TBC1D9B: variants seen among roughly 807,000 people sequenced by gnomAD.
TBC1D9B encodes the protein TBC1 domain family, member 9B (with GRAM domain).
Under a neutral mutation model 121.1 loss-of-function variants are expected in TBC1D9B, and 87 were observed. That is an observed-to-expected ratio of 0.72 (90% CI 0.60 to 0.86). TBC1D9B has a LOEUF of 0.86. Ranked by LOEUF, TBC1D9B falls within the 40% of genes least tolerant of loss-of-function variation. TBC1D9B has a pLI of 0.00. For synonymous variants in TBC1D9B, 668 were observed against 670.1 expected, an observed-to-expected ratio of 1.00 and a Z score of 0.05; for missense variants, 1,540 against 1,628.6, an observed-to-expected ratio of 0.95 and a Z score of 0.94.
At chr5:179,887,774 A>C in intron 7 of TBC1D9B, 1 of 352,334 alleles carries the variant, frequency 2.8e-6, no homozygotes, top group Non-Finnish European at 5.2e-6. Context: ...GGTCATGGGA[A>C]CAAAGCCGAA....
chr5:179,898,191 G>A (rs921822528), intron 3 of TBC1D9B, among the ~76,000 whole-genome samples: 7 of 144,578 alleles, frequency 4.8e-5, no homozygotes, highest in African/African-American at 1.3e-4. Flanking sequence ...TCATTCTGTC[G>A]CCTGGGCTGG....
At position 179,863,702 on chromosome 5, in the gene TBC1D9B, A is replaced by G. The variant is rs762515075; in HGVS notation, c.3448T>C (p.Cys1150Arg). ...ACCGTGTCGTCTGCAAGGTCTTCAC[A>G]TTGCAGGGAGCCCGTGCTGACCACC... ...YSVVSTGSLQCEDLADDTVLV... is the reference protein window; with the variant it reads ...YSVVSTGSLQREDLADDTVLV... Residue 1150 changes from cysteine (C) to arginine (R), a missense_variant, in exon 21 of 21, where the codon TGT becomes CGT. By Grantham distance (180) the Cys-to-Arg change is radical (BLOSUM62 -3). Transcript: ENST00000355235. This position sits in a 1 kb window ranked among gnomAD's most constrained non-coding sequence, Gnocchi z 4.5. The G allele has an allele frequency of 8.9e-5, 143 of 1,613,488 alleles. No individual in the cohort carries two copies. Among genetic ancestry groups the G allele is most frequent in the Non-Finnish European group, 1.2e-4 (140 of 1,180,024 alleles).
In TBC1D9B at chr5:179,867,767, T is replaced by A. The variant is rs1203151647; in HGVS notation, c.2863+11A>T. ...TGGCTGGGCATGTCGGGTGTTCCAG[T>A]GGCCGCTCACCTTCTGAGGAGCTGT... On this transcript the variant is annotated intron_variant, in intron 18 of 20. Coordinates refer to ENST00000355235, the MANE Select transcript of TBC1D9B (RefSeq NM_015043.4). 6.3e-7 allele frequency: 1 copy of A among 1,589,300 alleles called. No homozygotes were observed. The highest frequency in any genetic ancestry group is 8.6e-7 in the Non-Finnish European group (1 of 1,165,872).
At chr5:179,866,797 T>C (rs1056484426) in intron 18 of TBC1D9B, 10 of 152,608 alleles carry the variant, frequency 6.6e-5, no homozygotes, top group African/African-American at 2.4e-4. Context: ...AGGACTGCCA[T>C]GGGCATCTTG....
rs941841818 is a variant in TBC1D9B at position 179,865,959 on chromosome 5, T to C, written c.2864-71A>G. The C allele has an allele frequency of 1.9e-6, 3 of 1,578,102 alleles. No individual in the cohort carries two copies. The highest frequency in any genetic ancestry group is 2.6e-6 in the Non-Finnish European group (3 of 1,148,062). On this transcript the variant is annotated intron_variant, in intron 18 of 20. Transcript: ENST00000355235. This position sits in a 1 kb window ranked among gnomAD's most constrained non-coding sequence, Gnocchi z 5.1. The stretch of plus-strand genomic sequence containing the variant: ...TTGGGACTGCAAGCTCCTGGGGTCC[T>C]TGAGATGTAGTCTGTGTTTCTGTAC...
chr5:179,870,764 G>A (rs1760169515), intron 15 of TBC1D9B: 1 of 479,284 alleles, frequency 2.1e-6, no homozygotes. Flanking sequence ...GAGAAGGGCT[G>A]AGCCTTCCTG....
chr5:179,870,907 G>A (rs1230644661), intron 15 of TBC1D9B, among the ~76,000 whole-genome samples: 1 of 152,242 alleles, frequency 6.6e-6, no homozygotes, highest in Admixed American at 6.5e-5. Context: ...CACGGAACCT[G>A]AGGCAGCTGG....
rs1238043247 is a variant in TBC1D9B, at chr5:179,874,850, G to A, written c.2186+52C>T. ...GCTGACTGGACAGTGCCCGGGGCTG[G>A]TGAGGGGTTCTGCTGTGAGCCCCCA... On this transcript the variant is annotated intron_variant, in intron 12 of 20. Transcript: ENST00000355235. This position sits in a 1 kb window ranked among gnomAD's most constrained non-coding sequence, Gnocchi z 4.3. 6.3e-7 allele frequency: 1 copy of A among 1,589,496 alleles called. No homozygotes were observed. Among genetic ancestry groups the A allele is most frequent in the Non-Finnish European group, 8.6e-7 (1 of 1,169,512 alleles).
At chr5:179,898,054 G>A (rs1176435658) in intron 3 of TBC1D9B, among the ~76,000 whole-genome samples, 1 of 152,056 alleles carries the variant, frequency 6.6e-6, no homozygotes, top group Non-Finnish European at 1.5e-5. Flanking sequence ...GGTGGCTGAT[G>A]CCTGTAATCC....
Position 179,885,727 on chromosome 5 carries a change from C to T in TBC1D9B, c.1254+2376G>A, listed in dbSNP as rs553619858. On this transcript the variant is annotated intron_variant, in intron 7 of 20. Coordinates refer to ENST00000355235, the MANE Select transcript of TBC1D9B (RefSeq NM_015043.4). The surrounding 1 kb of genome is among the most constrained non-coding windows in gnomAD (Gnocchi z 4.5). ...GGATTTCCAGTGCTCCATGGCCACA[C>T]GTGGCTGCTGTACTAGACGGGGCAC... Among the ~76,000 whole-genome samples the T allele has an allele frequency of 1.8e-4, 27 of 152,320 alleles. No homozygotes were observed. The highest frequency in any genetic ancestry group is 6.5e-4 in the African/African-American group (27 of 41,546).
At chr5:179,894,676 A>G (rs1582100464) in intron 3 of TBC1D9B, 62 bp from the exon 4 acceptor site, 1 of 1,568,892 alleles carries the variant, frequency 6.4e-7, no homozygotes, top group East Asian at 2.3e-5. Flanking sequence ...CAAAGGGTGG[A>G]GCAGAGAGGC....
chr5:179,898,172 G>C (rs1192946732), intron 3 of TBC1D9B, among the ~76,000 whole-genome samples: 1 of 133,088 alleles, frequency 7.5e-6, no homozygotes, highest in Admixed American at 7.9e-5. Context: ...TTTTTTTTGA[G>C]ACGAAGTCTC....
chr5:179,905,619 T>C (rs1203369494), intron 1 of TBC1D9B, among the ~76,000 whole-genome samples: 1 of 152,258 alleles, frequency 6.6e-6, no homozygotes, highest in Non-Finnish European at 1.5e-5. Context: ...TTTGCTTTTA[T>C]ATTTTAGGTA....
At position 179,869,852 on chromosome 5, in the gene TBC1D9B, G is replaced by A. The variant is rs1760136498; in HGVS notation, c.2726-18C>T. On this transcript the variant is annotated intron_variant, in intron 16 of 20. Transcript: ENST00000355235. ...CATCCCGCCTGTGGAGAAGGCCAGG[G>A]AGGGCTGGGTCTGGCAACATGGCTG... The A allele has an allele frequency of 6.5e-7, 1 of 1,537,308 alleles. No homozygotes were observed. Among genetic ancestry groups the A allele is most frequent in the South Asian group, 1.3e-5 (1 of 77,842 alleles).
At chr5:179,876,472 C>G (rs1760362733) in intron 10 of TBC1D9B, among the ~76,000 whole-genome samples, 1 of 152,164 alleles carries the variant, frequency 6.6e-6, no homozygotes, top group Non-Finnish European at 1.5e-5. Flanking sequence ...AAGGCCAGAG[C>G]CCCACACCAA....
chr5:179,874,863 C>G lies in TBC1D9B; in HGVS notation c.2186+39G>C. On this transcript the variant is annotated intron_variant, in intron 12 of 20. Coordinates refer to ENST00000355235, the MANE Select transcript of TBC1D9B (RefSeq NM_015043.4). The surrounding 1 kb of genome is among the most constrained non-coding windows in gnomAD (Gnocchi z 4.3). ...TGCCCGGGGCTGGTGAGGGGTTCTGCTGTGAGCCCCCAGCAGGAGAAGGAA... is the reference window on the plus strand; with the variant it reads ...TGCCCGGGGCTGGTGAGGGGTTCTGGTGTGAGCCCCCAGCAGGAGAAGGAA... 6.2e-7 allele frequency: 1 copy of G among 1,601,830 alleles called. No homozygotes were observed. Among genetic ancestry groups the G allele is most frequent in the Non-Finnish European group, 8.5e-7 (1 of 1,175,560 alleles).
At chr5:179,879,560 T>C in intron 8 of TBC1D9B, 68 bp downstream of exon 8, 1 of 1,610,428 alleles carries the variant, frequency 6.2e-7, no homozygotes. Flanking sequence ...GGCCCAGGAC[T>C]GGCTCCAGCT....
chr5:179,887,552 A>C, intron 7 of TBC1D9B: 1 of 155,464 alleles, frequency 6.4e-6, no homozygotes, highest in East Asian at 1.9e-4. Context: ...CCGTAGATTA[A>C]ACAGATTTAA....
At chr5:179,893,053 T>C (rs1447010384) in intron 5 of TBC1D9B, among the ~76,000 whole-genome samples, 156 bp downstream of exon 5, 2 of 152,240 alleles carry the variant, frequency 1.3e-5, no homozygotes, top group African/African-American at 2.4e-5. Context: ...GGGACTGCAA[T>C]GATCTGTTTA....
Sources: allele counts gnomAD v4.1 joint callset (sites outside exome capture counted in the v4.1 genomes callset), GRCh38; gene constraint gnomAD v4.1.1; non-coding constraint Gnocchi (gnomAD v3.1); transcripts MANE v1.5; gene names NCBI Gene and HGNC (gene_info 2026-07-23, HGNC 2026-07-21).